SLC14A2: variants seen among roughly 807,000 people sequenced by gnomAD.
The protein encoded by SLC14A2 is solute carrier family 14 member 2.
In SLC14A2, 91 loss-of-function variants were observed where a neutral mutation model predicts 104.6. That is an observed-to-expected ratio of 0.87 (90% CI 0.73 to 1.04). SLC14A2 has a LOEUF of 1.04. SLC14A2 is among the 50% of genes least tolerant of loss of function. The pLI is 0.00. For missense variants in SLC14A2, 1,189 were observed against 1,156.0 expected, an observed-to-expected ratio of 1.03 and a Z score of -0.41; for synonymous variants, 476 against 466.4, an observed-to-expected ratio of 1.02 and a Z score of -0.27.
chr18:45,527,832 C>T (rs888278068), intron 2 of SLC14A2: 4 of 152,186 alleles, frequency 2.6e-5, no homozygotes, highest in Non-Finnish European at 5.9e-5. Flanking sequence ...TAACTCTTGT[C>T]TACTATGCAC....
chr18:45,639,725 T>A (rs549879572), intron 6 of SLC14A2, 21 bp from the exon 7 acceptor site: 1 of 1,612,390 alleles, frequency 6.2e-7, no homozygotes, highest in African/African-American at 1.3e-5. Flanking sequence ...TCCAGTGACC[T>A]GTATTCTGTT....
chr18:45,442,926 A>C (rs1213348802), intron 1 of SLC14A2, among the ~76,000 whole-genome samples: 15 of 152,186 alleles, frequency 9.9e-5, no homozygotes, highest in Non-Finnish European at 1.5e-4. Context: ...GGGGATTGGC[A>C]GGTGCTAGGT....
At chr18:45,257,002 T>C (rs1019341612) in intron 1 of SLC14A2, among the ~76,000 whole-genome samples, 4 of 152,242 alleles carry the variant, frequency 2.6e-5, no homozygotes, top group African/African-American at 9.6e-5. Flanking sequence ...TATGCTCTAA[T>C]GTGGATAAAT....
intron 10 of SLC14A2, among the ~76,000 whole-genome samples, chr18:45,659,650 C>T (rs1031773703): frequency 6.6e-6 from 1 of 152,222 alleles, no homozygotes; most frequent in Admixed American, 6.5e-5. Context: ...ATAATCAATC[C>T]TTGCCCTGCA....
At chr18:45,212,720 C>T (rs1283953854), upstream of SLC14A2, among the ~76,000 whole-genome samples, 2 of 152,188 alleles carry the variant, frequency 1.3e-5, no homozygotes, top group African/African-American at 4.8e-5. Context: ...CCAAAGAACA[C>T]ACACGTATGC....
rs186901254 is a variant in SLC14A2, at chr18:45,572,699, G to A, written c.-34-51932G>A. ...CTCAGAAGCTGCTTCCTCTTCTGAG[G>A]TTATTGTCATCGTATATACCACTTA... On this transcript the variant is annotated intron_variant, in intron 2 of 20. Transcript: ENST00000586448. Among the ~76,000 whole-genome samples, 116 of 152,266 alleles carry A rather than the reference G, an allele frequency of 7.6e-4. 1 individual carries two copies. The highest frequency in any genetic ancestry group is 1.7e-3 in the Admixed American group (26 of 15,290).
At chr18:45,378,352 C>T (rs1241430004) in intron 1 of SLC14A2, among the ~76,000 whole-genome samples, 2 of 152,152 alleles carry the variant, frequency 1.3e-5, no homozygotes, top group African/African-American at 4.8e-5. Flanking sequence ...AGAACTACTT[C>T]TTGAGAAGAA....
chr18:45,235,470 T>C (rs1000300284), intron 1 of SLC14A2, among the ~76,000 whole-genome samples: 7 of 152,148 alleles, frequency 4.6e-5, no homozygotes, highest in Non-Finnish European at 1.0e-4. Flanking sequence ...TAGTAAATTG[T>C]TGTTAACTAC....
chr18:45,359,777 GGGCAGGGTGTCCTGGCAT>G (rs1272334497), intron 1 of SLC14A2, among the ~76,000 whole-genome samples: 2 of 152,196 alleles, frequency 1.3e-5, no homozygotes, highest in Non-Finnish European at 2.9e-5. Flanking sequence ...CCACCAAATG[GGGCAGGGTGTCCTGGCAT>G]GGCACGGGTC....
chr18:45,611,565 A>G (rs1192378040), upstream of SLC14A2, among the ~76,000 whole-genome samples: 2 of 152,206 alleles, frequency 1.3e-5, no homozygotes, highest in Non-Finnish European at 2.9e-5. Flanking sequence ...GTGTTTATAC[A>G]CATTGAATCC....
intron 1 of SLC14A2, among the ~76,000 whole-genome samples, chr18:45,450,910 G>A (rs1004626436): frequency 6.6e-6 from 1 of 152,214 alleles, no homozygotes; most frequent in African/African-American, 2.4e-5. Flanking sequence ...AGCTGCTACT[G>A]TGGGCCATTG....
chr18:45,198,972 T>C, the SLC14A2 span, among the ~76,000 whole-genome samples: 3 of 152,152 alleles, frequency 2.0e-5, no homozygotes, highest in African/African-American at 7.2e-5. Context: ...TGGATTTAAT[T>C]TTTTCTGATG....
chr18:45,396,617 G>T (rs1049569924), intron 1 of SLC14A2, among the ~76,000 whole-genome samples: 30 of 135,260 alleles, frequency 2.2e-4, no homozygotes, highest in Non-Finnish European at 3.9e-4. Context: ...AGTCAACCTG[G>T]TTTTTTTTTG....
At chr18:45,489,463 A>T (rs1333225676) in intron 2 of SLC14A2, among the ~76,000 whole-genome samples, 1 of 152,174 alleles carries the variant, frequency 6.6e-6, no homozygotes, top group South Asian at 2.1e-4. Flanking sequence ...GTGAGCCGAG[A>T]TCGTACCACT....
Position 45,637,095 on chromosome 18 carries a change from C to G in SLC14A2, c.756C>G (p.Gly252=), listed in dbSNP as rs770969611. 11 of 1,614,042 alleles carry G rather than the reference C, an allele frequency of 6.8e-6. No individual in the cohort carries two copies. Among genetic ancestry groups the G allele is most frequent in the Non-Finnish European group, 9.3e-6 (11 of 1,179,984 alleles). The change falls in exon 6 of 20, where the codon GGC becomes GGG. Residue 252 remains glycine (G), a synonymous_variant. Transcript: ENST00000255226. Reference sequence around the variant, plus strand: ...TCACCTTGTACCTTGCAGCCACAGGCCACTACAACCTCTTCTTCCCCACAA... The same window carrying G: ...TCACCTTGTACCTTGCAGCCACAGGGCACTACAACCTCTTCTTCCCCACAA... ...IAVTLYLAAT[G]HYNLFFPTTL... is the part of the protein sequence containing the mutation.
intron 1 of SLC14A2, among the ~76,000 whole-genome samples, chr18:45,272,711 A>G (rs908176256): frequency 2.6e-5 from 4 of 152,154 alleles, no homozygotes; most frequent in Admixed American, 1.3e-4. Context: ...GGGTGACTTT[A>G]GTCAATAATA....
At chr18:45,561,082 C>CTGAGGACTGGAGGGAGGATA in intron 2 of SLC14A2, among the ~76,000 whole-genome samples, 1 of 152,072 alleles carries the variant, frequency 6.6e-6, no homozygotes, top group Non-Finnish European at 1.5e-5. Context: ...GATAAGATTT[C>CTGAGGACTGGAGGGAGGATA]TGAGGACTGG....
rs941219730 is a variant in SLC14A2 at position 45,358,668 on chromosome 18, C to G, written c.-124-124565C>G. ...TTATAGCTCACTGCAGCCTCTACCT[C>G]TTAGGCTCAAGCAATCCTGCCGCCT... On this transcript the variant is annotated intron_variant, in intron 1 of 20. Coordinates refer to the SLC14A2 transcript ENST00000586448. 3.3e-5 allele frequency among the ~76,000 whole-genome samples: 5 copies of G among 152,168 alleles called. No individual in the cohort carries two copies. In the East Asian group the frequency reaches 9.6e-4, roughly 29 times the overall value.
chr18:45,552,988 A>C lies in SLC14A2; in HGVS notation c.-35+69666A>C, dbSNP rs145650459. On this transcript the variant is annotated intron_variant, in intron 2 of 20. Transcript: ENST00000586448. ...CCTGGCTGCAGTGTTGGCTAGGGAT[A>C]GAAGAAAGGAGAATGTGCTCAGGCT... is the stretch of plus-strand genomic sequence containing the variant. 5.4e-3 allele frequency among the ~76,000 whole-genome samples: 815 copies of C among 152,284 alleles called. 13 individuals carry two copies. Among genetic ancestry groups the C allele is most frequent in the Admixed American group, 0.041 (621 of 15,298 alleles).
Sources: allele counts gnomAD v4.1 joint callset (sites outside exome capture counted in the v4.1 genomes callset), GRCh38; gene constraint gnomAD v4.1.1; transcripts MANE v1.5; gene names NCBI Gene and HGNC (gene_info 2026-07-23, HGNC 2026-07-21).